The following MPP3 variants were observed in gnomAD, a reference collection of about 807,000 sequenced individuals.
The protein encoded by MPP3 is MAGUK p55 scaffold protein 3, also known as MAGUK p55 subfamily member 3.
MPP3 carries 48 observed loss-of-function variants against 80.7 expected under a neutral mutation model. The observed-to-expected ratio is 0.59, with a 90% CI of 0.47 to 0.76. The LOEUF is 0.76. MPP3 is among the 30% of genes least tolerant of loss of function. MPP3 has a pLI of 0.00. For missense variants in MPP3, 620 were observed against 763.0 expected, an observed-to-expected ratio of 0.81 and a Z score of 2.21; for synonymous variants, 311 against 297.6, an observed-to-expected ratio of 1.04 and a Z score of -0.46.
chr17:43,824,143 G>A lies in MPP3; in HGVS notation c.610-138C>T. 5 of 553,494 alleles carry A rather than the reference G, an allele frequency of 9.0e-6. No individual in the cohort carries two copies. The East Asian group carries it at 1.7e-4, about 18-fold the overall frequency. The allele number at this position is 553,494 out of a possible 1,614,324, so 34.3% of individuals were successfully genotyped here. A position where few individuals can be genotyped will look rare whatever the true frequency, so the allele number is the denominator to read the frequency against. Reference sequence around the variant, plus strand: ...CCCCTGAGGCCCACTCTTCTAGGATGGTGCCCTGGTTGAATGAACTAAAAC... The same window carrying A: ...CCCCTGAGGCCCACTCTTCTAGGATAGTGCCCTGGTTGAATGAACTAAAAC... On this transcript the variant is annotated intron_variant, in intron 9 of 19. Transcript: ENST00000398389.
intron 16 of MPP3, 99 bp from the exon 17 acceptor site, chr17:43,811,304 T>C (rs2044846927): frequency 2.2e-6 from 2 of 898,158 alleles, no homozygotes; most frequent in African/African-American, 3.3e-5. Context: ...TCACTGCTGC[T>C]GTGTCTAAAC....
chr17:43,824,320 C>T (rs574708681), intron 9 of MPP3, among the ~76,000 whole-genome samples: 4 of 152,302 alleles, frequency 2.6e-5, no homozygotes, highest in South Asian at 2.1e-4. Flanking sequence ...AAGGACACTA[C>T]GTGTTGAATT....
At chr17:43,813,116 G>A (rs912316605) in intron 16 of MPP3, among the ~76,000 whole-genome samples, 1 of 152,162 alleles carries the variant, frequency 6.6e-6, no homozygotes, top group Admixed American at 6.5e-5. Context: ...CTGAGGCCAG[G>A]GGGACTGAGA....
chr17:43,805,981 C>T (rs1366549767), intron 19 of MPP3, among the ~76,000 whole-genome samples: 1 of 152,160 alleles, frequency 6.6e-6, no homozygotes, highest in Non-Finnish European at 1.5e-5. Flanking sequence ...CTCCAAAAAA[C>T]ACACAGAAAA....
At chr17:43,827,979 C>G in intron 7 of MPP3, 147 bp from the exon 8 acceptor site, 1 of 692,508 alleles carries the variant, frequency 1.4e-6, no homozygotes, top group Admixed American at 2.3e-5. Flanking sequence ...GAAGACAAAA[C>G]AAAACCAACA....
chr17:43,811,449 G>A, intron 16 of MPP3: 1 of 508,944 alleles, frequency 2.0e-6, no homozygotes, highest in Non-Finnish European at 3.6e-6. Flanking sequence ...GAAAACTGAG[G>A]CACGGAGAGG....
At chr17:43,824,708 T>C (rs79316974) in intron 9 of MPP3, among the ~76,000 whole-genome samples, 2,758 of 152,276 alleles carry the variant, frequency 0.018, 90 homozygotes, top group African/African-American at 0.064. Context: ...AAAAGCAAGC[T>C]TGGGCAAAAG....
intron 19 of MPP3, among the ~76,000 whole-genome samples, chr17:43,807,835 C>T (rs1269475508): frequency 3.3e-5 from 5 of 151,708 alleles, no homozygotes; most frequent in Admixed American, 2.0e-4. Context: ...TGGTACATGC[C>T]TGTAGTCTCA....
intron 11 of MPP3, among the ~76,000 whole-genome samples, chr17:43,819,483 C>T (rs2045315007): frequency 6.6e-6 from 1 of 152,240 alleles, no homozygotes. Flanking sequence ...CCCTGCATTC[C>T]TGGATGAGGG....
At position 43,801,736 on chromosome 17, in the gene MPP3, C is replaced by T; in HGVS notation, c.1723G>A (p.Asp575Asn). The change falls in exon 20 of 20, where the codon GAC becomes AAC. Residue 575 changes from aspartate (D) to asparagine (N), a missense_variant. Asp to Asn is a conservative substitution (Grantham distance 23). Coordinates refer to ENST00000398389, the MANE Select transcript of MPP3 (RefSeq NM_001932.6). ...CAACTAACAGGTACCCAGTGAGTGT[C>T]CTTGCTCAGCTTCTCTAAGACCACT... ...LKVVLEKLSK[D>N]THWVPVSWVR 6.2e-7 allele frequency: 1 copy of T among 1,614,118 alleles called. No individual in the cohort carries two copies. Among genetic ancestry groups the T allele is most frequent in the Non-Finnish European group, 8.5e-7 (1 of 1,180,012 alleles).
At chr17:43,811,020 C>T (rs752359699) in intron 17 of MPP3, 92 bp downstream of exon 17, 2 of 1,453,978 alleles carry the variant, frequency 1.4e-6, no homozygotes, top group Non-Finnish European at 1.9e-6. Flanking sequence ...TTCCCCCATC[C>T]TTTCCGGGAG....
chr17:43,810,605 T>C (rs761917559), intron 18 of MPP3, among the ~76,000 whole-genome samples: 27 of 152,188 alleles, frequency 1.8e-4, no homozygotes, highest in Non-Finnish European at 3.4e-4. Context: ...TCCCTACAAT[T>C]AATGCAGCAT....
rs1402719726 is a variant in MPP3 at position 43,830,118 on chromosome 17, T to C, written c.223-11A>G. The C allele has an allele frequency of 6.6e-7, 1 of 1,521,484 alleles. No individual in the cohort carries two copies. Among genetic ancestry groups the C allele is most frequent in the African/African-American group, 1.4e-5 (1 of 71,974 alleles). 94.2% of individuals were successfully genotyped at this position (1,521,484 alleles called of 1,614,324 possible). A position where few individuals can be genotyped will look rare whatever the true frequency, so the allele number is the denominator to read the frequency against. On this transcript the variant is annotated splice_polypyrimidine_tract_variant and intron_variant, in intron 5 of 19. Coordinates refer to ENST00000398389, the MANE Select transcript of MPP3 (RefSeq NM_001932.6). ...CAACTCCTCCATCACCTGCAGAGAATGAGACAGGCGCCACTGATGGCTAGA... is the reference window on the plus strand; with the variant it reads ...CAACTCCTCCATCACCTGCAGAGAACGAGACAGGCGCCACTGATGGCTAGA...
chr17:43,832,313 A>C (rs1598376613), intron 2 of MPP3: 1 of 267,990 alleles, frequency 3.7e-6, no homozygotes, highest in Non-Finnish European at 7.1e-6. Context: ...GTGCCAAGTG[A>C]CCCTGCCTGA....
At chr17:43,828,580 T>C (rs1324581561) in intron 7 of MPP3, among the ~76,000 whole-genome samples, 7 of 152,352 alleles carry the variant, frequency 4.6e-5, no homozygotes, top group African/African-American at 1.2e-4. Flanking sequence ...CACAGTGTTG[T>C]TGCAAGGATT....
intron 19 of MPP3, among the ~76,000 whole-genome samples, chr17:43,804,126 T>C (rs997997997): frequency 6.6e-6 from 1 of 152,144 alleles, no homozygotes; most frequent in South Asian, 2.1e-4. Flanking sequence ...CTTGACTCTT[T>C]GAAAAATGAG....
intron 9 of MPP3, 101 bp from the exon 10 acceptor site, chr17:43,824,106 G>C: frequency 2.5e-6 from 2 of 803,198 alleles, no homozygotes; most frequent in Non-Finnish European, 3.9e-6. Flanking sequence ...CAGAAAGTCA[G>C]ACTTGCAGCC....
Position 43,801,853 on chromosome 17 carries a change from C to T in MPP3, c.1606G>A (p.Ala536Thr), listed in dbSNP as rs940616228. The change falls in exon 20 of 20, where the codon GCT becomes ACT. Residue 536 changes from alanine (A) to threonine (T), a missense_variant. Physicochemically the swap from Ala to Thr is moderately conservative, Grantham distance 58 (BLOSUM62 0). Coordinates refer to ENST00000398389, the MANE Select transcript of MPP3 (RefSeq NM_001932.6). The stretch of plus-strand genomic sequence containing the variant: ...TGCCGGTCTATGAAGGCGGCAGAAG[C>T]GGCCATCTCTTGCTGCTGCTCATCC... ...PFDEQQQEMA[A>T]SAAFIDRHYG... 10 of 1,612,866 alleles carry T rather than the reference C, an allele frequency of 6.2e-6. No individual in the cohort carries two copies. The highest frequency in any genetic ancestry group is 2.2e-5 in the East Asian group (1 of 44,878).
chr17:43,826,657 T>C (rs919785004), intron 8 of MPP3, among the ~76,000 whole-genome samples: 21 of 152,072 alleles, frequency 1.4e-4, no homozygotes, highest in African/African-American at 5.1e-4. Context: ...CTCTTTGTAA[T>C]AGTAGCTTGA....
Sources: allele counts gnomAD v4.1 joint callset (sites outside exome capture counted in the v4.1 genomes callset), GRCh38; gene constraint gnomAD v4.1.1; transcripts MANE v1.5; gene names NCBI Gene and HGNC (gene_info 2026-07-23, HGNC 2026-07-21).